The following FHIT variants were observed in gnomAD, a reference collection of about 807,000 sequenced individuals.
FHIT encodes the protein bis(5'-adenosyl)-triphosphatase.
A neutral mutation model predicts 17.9 loss-of-function variants in FHIT; 19 were observed. The observed-to-expected ratio is 1.06, with a 90% CI of 0.74 to 1.56. FHIT has a LOEUF of 1.56. FHIT is among the 40% of genes most tolerant of loss of function. FHIT has a pLI of 0.00. For missense variants in FHIT, 248 were observed against 189.2 expected (o/e 1.31, Z -1.82); for synonymous variants, 81 against 69.7 (o/e 1.16, Z -0.81).
At chr3:60,861,180 A>C (rs567469354) in intron 3 of FHIT, among the ~76,000 whole-genome samples, 1 of 25,668 alleles carries the variant, frequency 3.9e-5, no homozygotes, top group African/African-American at 1.3e-4. Context: ...GTTCTATGAT[A>C]TATATGATAT....
chr3:59,943,264 T>A (rs1706622136), intron 7 of FHIT, among the ~76,000 whole-genome samples: 3 of 151,870 alleles, frequency 2.0e-5, no homozygotes, highest in Admixed American at 6.6e-5. Context: ...CGCCCACCAT[T>A]TGCAGGTTGA....
intron 4 of FHIT, among the ~76,000 whole-genome samples, chr3:60,676,156 C>T (rs782106734): frequency 6.6e-6 from 1 of 152,212 alleles, no homozygotes; most frequent in Non-Finnish European, 1.5e-5. Flanking sequence ...GCATCAGATG[C>T]TCCCTTTCAG....
intron 8 of FHIT, among the ~76,000 whole-genome samples, chr3:59,852,622 C>G (rs771918386): frequency 6.6e-6 from 1 of 152,138 alleles, no homozygotes; most frequent in Non-Finnish European, 1.5e-5. Context: ...TCCACCATTA[C>G]AGTATCATAT....
intron 5 of FHIT, among the ~76,000 whole-genome samples, chr3:60,198,531 G>C (rs762913334): frequency 3.5e-4 from 48 of 135,788 alleles, no homozygotes; most frequent in Non-Finnish European, 6.3e-4. Flanking sequence ...GATAGCTGTC[G>C]TGAGTTGTTT....
intron 3 of FHIT, among the ~76,000 whole-genome samples, chr3:60,983,865 A>G (rs562784213): frequency 1.9e-4 from 29 of 152,300 alleles, no homozygotes; most frequent in African/African-American, 6.7e-4. Flanking sequence ...ACACTTCTTC[A>G]TACAGAGCTG....
chr3:60,711,847 C>T (rs183507717), intron 4 of FHIT, among the ~76,000 whole-genome samples: 1 of 152,212 alleles, frequency 6.6e-6, no homozygotes, highest in African/African-American at 2.4e-5. Context: ...GGAAAACACT[C>T]TGCAGGATAT....
intron 2 of FHIT, among the ~76,000 whole-genome samples, chr3:61,138,394 T>A (rs1423845676): frequency 6.6e-6 from 1 of 152,178 alleles, no homozygotes; most frequent in African/African-American, 2.4e-5. Context: ...AACAAAAACC[T>A]GCTACAGCCA....
intron 7 of FHIT, among the ~76,000 whole-genome samples, chr3:59,963,571 C>G (rs578018444): frequency 2.6e-5 from 4 of 152,060 alleles, no homozygotes; most frequent in Non-Finnish European, 5.9e-5. Flanking sequence ...ATTCACAGAG[C>G]GCCTAACATG....
intron 5 of FHIT, among the ~76,000 whole-genome samples, chr3:60,197,382 G>T (rs1702698241): frequency 6.6e-6 from 1 of 152,102 alleles, no homozygotes; most frequent in South Asian, 2.1e-4. Context: ...TAAATAAAAT[G>T]TAAAATTAAT....
intron 5 of FHIT, among the ~76,000 whole-genome samples, chr3:60,463,761 A>G (rs1409255547): frequency 6.6e-6 from 1 of 152,240 alleles, no homozygotes; most frequent in Non-Finnish European, 1.5e-5. Context: ...TGGGCAATTT[A>G]CTTAACTTCT....
At chr3:60,937,128 A>C (rs1553773283) in intron 3 of FHIT, among the ~76,000 whole-genome samples, 1 of 152,202 alleles carries the variant, frequency 6.6e-6, no homozygotes, top group Non-Finnish European at 1.5e-5. Context: ...GTGACAAAGG[A>C]ATGTGTCTTC....
intron 8 of FHIT, among the ~76,000 whole-genome samples, chr3:59,918,381 T>C (rs532722670): frequency 2.6e-5 from 4 of 152,042 alleles, no homozygotes; most frequent in East Asian, 1.9e-4. Flanking sequence ...AAGAAGGAAA[T>C]AGGTATGGCG....
At chr3:60,703,123 A>G (rs2041287521) in intron 4 of FHIT, among the ~76,000 whole-genome samples, 1 of 152,178 alleles carries the variant, frequency 6.6e-6, no homozygotes, top group African/African-American at 2.4e-5. Context: ...AAGAAGCAAA[A>G]CCAGAGATAT....
At chr3:60,666,653 A>G (rs917366167) in intron 4 of FHIT, among the ~76,000 whole-genome samples, 5 of 151,988 alleles carry the variant, frequency 3.3e-5, no homozygotes, top group African/African-American at 7.2e-5. Context: ...TTCAGTCATC[A>G]TTTCTTCAAA....
At chr3:60,883,735 T>C (rs2107138693) in intron 3 of FHIT, among the ~76,000 whole-genome samples, 1 of 152,202 alleles carries the variant, frequency 6.6e-6, no homozygotes, top group South Asian at 2.1e-4. Context: ...AATAATTAAA[T>C]GTAAGGCCTC....
chr3:60,380,829 G>C (rs1483260560), intron 5 of FHIT, among the ~76,000 whole-genome samples: 2 of 152,184 alleles, frequency 1.3e-5, no homozygotes, highest in African/African-American at 2.4e-5. Flanking sequence ...TATTCTACCA[G>C]TGAATAGCTG....
intron 8 of FHIT, among the ~76,000 whole-genome samples, chr3:59,757,001 C>T (rs1436721443): frequency 6.6e-6 from 1 of 152,194 alleles, no homozygotes; most frequent in Admixed American, 6.6e-5. Context: ...GCACTTCCAA[C>T]TGACTGTGTC....
At chr3:60,432,537 C>A (rs1702955267) in intron 5 of FHIT, among the ~76,000 whole-genome samples, 1 of 152,010 alleles carries the variant, frequency 6.6e-6, no homozygotes, top group Non-Finnish European at 1.5e-5. Flanking sequence ...CACAGAGGTT[C>A]TTTTAAAAGC....
At chr3:60,174,602 G>A (rs1438281296) in intron 5 of FHIT, among the ~76,000 whole-genome samples, 1 of 148,014 alleles carries the variant, frequency 6.8e-6, no homozygotes, top group African/African-American at 2.5e-5. Flanking sequence ...AGTCAAGTTG[G>A]AACCTGATTA....
Sources: allele counts gnomAD v4.1 joint callset (sites outside exome capture counted in the v4.1 genomes callset), GRCh38; gene constraint gnomAD v4.1.1; transcripts MANE v1.5; gene names NCBI Gene and HGNC (gene_info 2026-07-23, HGNC 2026-07-21).